Variants in ECE1 observed in about 807,000 individuals in gnomAD.
ECE1 encodes endothelin-converting enzyme 1.
ECE1 carries 35 observed loss-of-function variants against 98.6 expected under a neutral mutation model. That is an observed-to-expected ratio of 0.35 (90% CI 0.27 to 0.47). The LOEUF is 0.47. Among genes scored for constraint, ECE1 ranks in the 20% least tolerant of loss-of-function variants. The pLI is 1.00. For synonymous variants in ECE1, 394 were observed against 407.1 expected (o/e 0.97, Z 0.39); for missense variants, 814 against 1,025.3 (o/e 0.79, Z 2.81).
intron 7 of ECE1, among the ~76,000 whole-genome samples, chr1:21,256,530 C>T (rs897057445): frequency 1.3e-5 from 2 of 151,708 alleles, no homozygotes; most frequent in Non-Finnish European, 2.9e-5. Flanking sequence ...GGCACTCTAG[C>T]CTGGGCGGCA....
intron 3 of ECE1, among the ~76,000 whole-genome samples, chr1:21,273,170 T>G (rs1029633264): frequency 6.6e-6 from 1 of 152,264 alleles, no homozygotes; most frequent in Non-Finnish European, 1.5e-5. Flanking sequence ...AACCTTCTCC[T>G]CCATAAATAT....
intron 11 of ECE1, 106 bp downstream of exon 11, chr1:21,238,028 C>T: frequency 2.0e-6 from 2 of 1,020,514 alleles, no homozygotes; most frequent in Non-Finnish European, 3.1e-6. Flanking sequence ...GGTCCCCTGC[C>T]CAGGAGCAGG....
intron 1 of ECE1, among the ~76,000 whole-genome samples, chr1:21,334,113 T>C (rs1285998280): frequency 6.6e-6 from 1 of 152,182 alleles, no homozygotes; most frequent in Admixed American, 6.5e-5. Flanking sequence ...TACCTCCATC[T>C]TATCTAGAAA....
At chr1:21,306,813 G>T (rs1337236407) in intron 1 of ECE1, among the ~76,000 whole-genome samples, 1 of 152,176 alleles carries the variant, frequency 6.6e-6, no homozygotes, top group African/African-American at 2.4e-5. Context: ...CAGGGCAGCA[G>T]CGAGGTGTGC....
chr1:21,228,371 C>G (rs1237403569), intron 14 of ECE1, among the ~76,000 whole-genome samples: 1 of 152,092 alleles, frequency 6.6e-6, no homozygotes. Flanking sequence ...GGGTGCAGGA[C>G]TGCTTTTTAG....
intron 1 of ECE1, among the ~76,000 whole-genome samples, chr1:21,334,661 C>G (rs780014086): frequency 1.1e-4 from 17 of 152,210 alleles, no homozygotes; most frequent in Admixed American, 2.0e-4. Context: ...CCCAAGCCCA[C>G]CCCGGAAGGC....
intron 1 of ECE1, among the ~76,000 whole-genome samples, chr1:21,329,862 G>A (rs1639159198): frequency 6.6e-6 from 1 of 152,166 alleles, no homozygotes; most frequent in Non-Finnish European, 1.5e-5. Flanking sequence ...GAATTGGATG[G>A]GAAAATGGTC....
At chr1:21,224,706 G>A (rs893996597) in intron 17 of ECE1, among the ~76,000 whole-genome samples, 2 of 152,064 alleles carry the variant, frequency 1.3e-5, no homozygotes, top group Admixed American at 6.6e-5. Flanking sequence ...CTGACTCCGC[G>A]AGCATCTCTG....
At chr1:21,254,604 A>C (rs2098217556) in intron 8 of ECE1, among the ~76,000 whole-genome samples, 1 of 152,184 alleles carries the variant, frequency 6.6e-6, no homozygotes, top group South Asian at 2.1e-4. Context: ...AGTTGGCATC[A>C]TGGCCACGGT....
chr1:21,279,104 C>T (rs2098251150), intron 3 of ECE1, 87 bp downstream of exon 3: 1 of 1,610,020 alleles, frequency 6.2e-7, no homozygotes, highest in Non-Finnish European at 8.5e-7. Flanking sequence ...CCTGCCCCGG[C>T]TTAAGCAGGG....
At position 21,258,888 on chromosome 1, in the gene ECE1, C is replaced by T. The variant is rs1383647378; in HGVS notation, c.616-49G>A. On this transcript the variant is annotated intron_variant, in intron 5 of 18. Transcript: ENST00000374893. The surrounding 1 kb of genome is among the most constrained non-coding windows in gnomAD (Gnocchi z 4.2). ...GGAGGTGATGAGGTGGCGGGGAGAC[C>T]CAGATGTGAATTCTGGTTCTGCCGC... 6.2e-7 allele frequency: 1 copy of T among 1,609,952 alleles called. No homozygotes were observed. The highest frequency in any genetic ancestry group is 8.5e-7 in the Non-Finnish European group (1 of 1,178,034).
At chr1:21,266,233 C>T (rs1476305545) in intron 4 of ECE1, 1 of 152,014 alleles carries the variant, frequency 6.6e-6, no homozygotes, top group African/African-American at 2.4e-5. Flanking sequence ...CTGGGAATCC[C>T]CCACATGCTG....
intron 14 of ECE1, among the ~76,000 whole-genome samples, chr1:21,229,180 A>AC (rs1331456717): frequency 6.6e-6 from 1 of 150,486 alleles, no homozygotes; most frequent in Non-Finnish European, 1.5e-5. Flanking sequence ...TGAATACAAG[A>AC]CTTTTTTTTT....
At position 21,322,228 on chromosome 1, in the gene ECE1, G is replaced by A. The variant is rs1054306867; in HGVS notation, c.3+23148C>T. Among the ~76,000 whole-genome samples the A allele has an allele frequency of 5.3e-5, 8 of 152,292 alleles. No homozygotes were observed. The highest frequency in any genetic ancestry group is 3.3e-4 in the Admixed American group (5 of 15,302). On this transcript the variant is annotated intron_variant, in intron 1 of 18. Transcript: ENST00000415912. This position sits in a 1 kb window ranked among gnomAD's most constrained non-coding sequence, Gnocchi z 4.1. Reference sequence around the variant, plus strand: ...GGCGGCTTCTCAGTGAGATGGAGTGGGGATGGGGGTGTGGATAAAACCAGG... The same window carrying A: ...GGCGGCTTCTCAGTGAGATGGAGTGAGGATGGGGGTGTGGATAAAACCAGG...
In ECE1 at chr1:21,247,121, C is replaced by T. The variant is rs2098204774; in HGVS notation, c.1163+100G>A. The stretch of plus-strand genomic sequence containing the variant: ...CTCTCGTAAAAGCCCGCCCAGGTCC[C>T]ACTCTCCTGAGTCAGACTGTCATCC... On this transcript the variant is annotated intron_variant, in intron 9 of 18. Transcript: ENST00000374893. 5 of 1,555,202 alleles carry T rather than the reference C, an allele frequency of 3.2e-6. No individual in the cohort carries two copies. In the South Asian group the frequency reaches 5.6e-5, roughly 17 times the overall value.
At chr1:21,222,546 A>G (rs2098168797) in intron 17 of ECE1, among the ~76,000 whole-genome samples, 1 of 152,140 alleles carries the variant, frequency 6.6e-6, no homozygotes, top group African/African-American at 2.4e-5. Flanking sequence ...TTGCAGCATG[A>G]AAGCAGCCAC....
At chr1:21,271,417 C>G (rs2098240105) in intron 4 of ECE1, among the ~76,000 whole-genome samples, 1 of 152,170 alleles carries the variant, frequency 6.6e-6, no homozygotes, top group Admixed American at 6.5e-5. Context: ...AGATCTGTCC[C>G]CTTTTGGGTA....
At chr1:21,324,040 T>G (rs1639022010) in intron 1 of ECE1, among the ~76,000 whole-genome samples, 1 of 152,084 alleles carries the variant, frequency 6.6e-6, no homozygotes, top group East Asian at 1.9e-4. Context: ...CTGGCTGACC[T>G]CAAACTCCTG....
chr1:21,282,647 G>C (rs1400405666), intron 2 of ECE1, among the ~76,000 whole-genome samples: 1 of 151,566 alleles, frequency 6.6e-6, no homozygotes, highest in African/African-American at 2.4e-5. Context: ...GCCTGGTGCT[G>C]GCTCCAGGGA....
Sources: gnomAD v4.1 joint callset for allele counts (sites outside exome capture counted in the v4.1 genomes callset) on GRCh38, gnomAD v4.1.1 for gene constraint, Gnocchi (gnomAD v3.1) non-coding constraint, MANE v1.5 for transcripts, NCBI Gene and HGNC (gene_info 2026-07-23, HGNC 2026-07-21) for gene names.